Variants in LPCAT2 observed in about 807,000 individuals in gnomAD.
LPCAT2 encodes the protein 1-AGP acyltransferase 11.
LPCAT2 carries 58 observed loss-of-function variants against 64.7 expected under a neutral mutation model. The ratio of observed to expected loss-of-function variants is 0.90; its 90% CI spans 0.73 to 1.12. LPCAT2 has a LOEUF of 1.12. Ranked by LOEUF, LPCAT2 falls within the 50% of genes most tolerant of loss-of-function variation. The probability of loss-of-function intolerance (pLI) is 0.00; values close to 1 mark genes in which losing one functional copy is unlikely to be tolerated. For missense variants in LPCAT2, 579 were observed against 669.8 expected (o/e 0.86, Z 1.50); for synonymous variants, 252 against 245.3 (o/e 1.03, Z -0.26).
chr16:55,570,140 G>T (rs2142416669), intron 11 of LPCAT2, among the ~76,000 whole-genome samples: 1 of 152,136 alleles, frequency 6.6e-6, no homozygotes, highest in East Asian at 1.9e-4. Flanking sequence ...ACTTTATCTT[G>T]ATATAATCCA....
chr16:55,533,863 T>G (rs2142384592), intron 6 of LPCAT2, among the ~76,000 whole-genome samples: 1 of 152,308 alleles, frequency 6.6e-6, no homozygotes, highest in Non-Finnish European at 1.5e-5. Flanking sequence ...GGAACTTTCT[T>G]TACTAGAGAA....
Position 55,528,667 on chromosome 16 carries a change from T to G in LPCAT2, c.529+73T>G, listed in dbSNP as rs1963209724. 7.1e-6 allele frequency: 8 copies of G among 1,127,550 alleles called. No individual in the cohort carries two copies. The South Asian group carries it at 1.1e-4, about 16-fold the overall frequency. The allele number at this position is 1,127,550 out of a possible 1,614,324, so 69.8% of individuals were successfully genotyped here. ...TTTAAATTAAAATAATCATATATAGTTCATTGATAACCTTTTTAAAAAGTT... is the reference window on the plus strand; with the variant it reads ...TTTAAATTAAAATAATCATATATAGGTCATTGATAACCTTTTTAAAAAGTT... On this transcript the variant is annotated intron_variant, in intron 3 of 13. Transcript: ENST00000262134.
chr16:55,574,887 A>G (rs1276727661), intron 12 of LPCAT2, among the ~76,000 whole-genome samples, 158 bp downstream of exon 12: 1 of 152,234 alleles, frequency 6.6e-6, no homozygotes, highest in Non-Finnish European at 1.5e-5. Flanking sequence ...GCTACTAAGA[A>G]TAAAGAAAAC....
At position 55,585,781 on chromosome 16, in the gene LPCAT2, G is replaced by A. The variant is rs182557925; in HGVS notation, c.*2683G>A. 3 of 152,144 alleles carry A rather than the reference G, an allele frequency of 2.0e-5. No individual in the cohort carries two copies. The highest frequency in any genetic ancestry group is 2.1e-4 in the South Asian group (1 of 4,830). The allele number at this position is 152,144 out of a possible 1,614,324, so 9.4% of individuals were successfully genotyped here. A position where few individuals can be genotyped will look rare whatever the true frequency, so the allele number is the denominator to read the frequency against. ...ATGCATATTTAAAGGAGACTGCCTC[G>A]CTTTTAGAAGACATCTGGTCTGCTC... On this transcript the variant is annotated 3_prime_UTR_variant, in exon 14 of 14. Transcript: ENST00000262134.
intron 10 of LPCAT2, among the ~76,000 whole-genome samples, chr16:55,550,456 A>T (rs1963503285): frequency 6.6e-6 from 1 of 152,226 alleles, no homozygotes; most frequent in Non-Finnish European, 1.5e-5. Flanking sequence ...TTAAAAACTT[A>T]ATACAGACTA....
chr16:55,509,204 C>T lies in LPCAT2; in HGVS notation c.23C>T (p.Ala8Val). ...ACTATGAGCCGGTGCGCCCAGGCGG[C>T]GGAAGTGGCGGCCACAGTGCCAGGT... is the stretch of plus-strand genomic sequence containing the variant. MSRCAQA[A>V]EVAATVPGAG... Residue 8 changes from alanine to valine, a missense_variant, in exon 1 of 14, where the codon GCG (alanine) becomes GTG (valine). Physicochemically the swap from Ala to Val is moderately conservative, Grantham distance 64 (BLOSUM62 0). Transcript: ENST00000262134. The T allele has an allele frequency of 1.4e-6, 2 of 1,408,972 alleles. No individual in the cohort carries two copies. The highest frequency in any genetic ancestry group is 9.3e-7 in the Non-Finnish European group (1 of 1,075,842). The allele number at this position is 1,408,972 out of a possible 1,614,324, so 87.3% of individuals were successfully genotyped here.
Position 55,579,269 on chromosome 16 carries a change from A to T in LPCAT2, c.1450+25A>T, listed in dbSNP as rs1157408930. ...GGTGAGTAGGCAATCTGGCCTCCTG[A>T]CTTAGTTTACAAGGAGGACATCCAG... On this transcript the variant is annotated intron_variant, in intron 13 of 13. Coordinates refer to ENST00000262134, the MANE Select transcript of LPCAT2 (RefSeq NM_017839.5). The T allele has an allele frequency of 2.5e-6, 4 of 1,606,950 alleles. No homozygotes were observed. In the East Asian group the frequency reaches 6.7e-5, roughly 27 times the overall value.
intron 9 of LPCAT2, 125 bp downstream of exon 9, chr16:55,545,942 G>A (rs1320847840): frequency 3.1e-5 from 20 of 646,432 alleles, no homozygotes; most frequent in East Asian, 1.4e-4. Flanking sequence ...ATTTTGATAC[G>A]TAAAATAATG....
intron 11 of LPCAT2, among the ~76,000 whole-genome samples, chr16:55,558,214 T>C (rs1422893390): frequency 2.0e-5 from 3 of 152,346 alleles, no homozygotes; most frequent in African/African-American, 7.2e-5. Flanking sequence ...GTAGACGTTA[T>C]GCCAGCACAC....
At chr16:55,515,766 T>G (rs1457721303) in intron 1 of LPCAT2, among the ~76,000 whole-genome samples, 1 of 152,174 alleles carries the variant, frequency 6.6e-6, no homozygotes, top group Non-Finnish European at 1.5e-5. Context: ...CTATTGAAAT[T>G]AAGTTGGTTG....
At chr16:55,519,365 C>T (rs1438215717) in intron 1 of LPCAT2, among the ~76,000 whole-genome samples, 5 of 151,482 alleles carry the variant, frequency 3.3e-5, no homozygotes, top group South Asian at 2.1e-4. Context: ...AAAAATTAGC[C>T]GGGCGTGGTG....
intron 7 of LPCAT2, among the ~76,000 whole-genome samples, chr16:55,535,794 T>C (rs941393835): frequency 9.2e-5 from 14 of 152,132 alleles, no homozygotes; most frequent in Admixed American, 7.9e-4. Context: ...ACAGAGATAG[T>C]GATGTGGCCA....
chr16:55,509,237 T>TC lies in LPCAT2; in HGVS notation c.57dup (p.Gly20ArgfsTer74). On this transcript the variant is annotated frameshift_variant, in exon 1 of 14. Coordinates refer to ENST00000262134, the MANE Select transcript of LPCAT2 (RefSeq NM_017839.5). LOFTEE classifies it high-confidence loss of function. ...GCGGCCACAGTGCCAGGTGCCGGCG[T>TC]CGGGAACGTGGGGCTGCGGCCGCCC... 6.8e-7 allele frequency: 1 copy of TC among 1,472,718 alleles called. No individual in the cohort carries two copies. Among genetic ancestry groups the TC allele is most frequent in the Non-Finnish European group, 9.0e-7 (1 of 1,104,998 alleles). 91.2% of individuals were successfully genotyped at this position (1,472,718 alleles called of 1,614,324 possible).
chr16:55,578,717 T>G (rs1036244488), intron 12 of LPCAT2, among the ~76,000 whole-genome samples: 4 of 152,182 alleles, frequency 2.6e-5, no homozygotes, highest in Non-Finnish European at 5.9e-5. Flanking sequence ...CTAATTCCTG[T>G]TTGTCTCTAT....
chr16:55,580,949 A>G (rs1246370633), intron 13 of LPCAT2, among the ~76,000 whole-genome samples: 1 of 152,138 alleles, frequency 6.6e-6, no homozygotes, highest in African/African-American at 2.4e-5. Context: ...CATCTCCCCA[A>G]TCCCCTTTAC....
chr16:55,539,144 G>A (rs1240187694), intron 8 of LPCAT2: 1 of 151,184 alleles, frequency 6.6e-6, no homozygotes, highest in African/African-American at 2.4e-5. Context: ...TTTTGCCATA[G>A]CATGTCAGTG....
intron 6 of LPCAT2, among the ~76,000 whole-genome samples, chr16:55,533,776 A>C (rs112825744): frequency 6.6e-6 from 1 of 152,218 alleles, no homozygotes; most frequent in Non-Finnish European, 1.5e-5. Context: ...AGTTGGGTAC[A>C]TTGTTGTCCT....
chr16:55,567,348 G>A, intron 11 of LPCAT2: 1 of 1,613,704 alleles, frequency 6.2e-7, no homozygotes, highest in Non-Finnish European at 8.5e-7. Flanking sequence ...CCGCCGGTAT[G>A]CTAATGAAGA....
At chr16:55,534,330 A>G (rs2142385050) in intron 6 of LPCAT2, 113 bp from the exon 7 acceptor site, 5 of 699,976 alleles carry the variant, frequency 7.1e-6, no homozygotes, top group African/African-American at 3.7e-5. Context: ...ACTTCTCAAC[A>G]TGTTGCTTTT....
Sources: gnomAD v4.1 joint callset for allele counts (sites outside exome capture counted in the v4.1 genomes callset) on GRCh38, gnomAD v4.1.1 for gene constraint, MANE v1.5 for transcripts, NCBI Gene and HGNC (gene_info 2026-07-23, HGNC 2026-07-21) for gene names.